Variants in LEKR1 observed in about 807,000 individuals in gnomAD.
LEKR1 encodes the protein protein LEKR1.
A neutral mutation model predicts 72.4 loss-of-function variants in LEKR1; 59 were observed. That is an observed-to-expected ratio of 0.82 (90% CI 0.66 to 1.01). LEKR1 has a LOEUF of 1.01. Among genes scored for constraint, LEKR1 ranks in the 50% least tolerant of loss-of-function variants. LEKR1 has a pLI of 0.00. For missense variants in LEKR1, 728 were observed against 759.2 expected (o/e 0.96, Z 0.48); for synonymous variants, 257 against 263.2 (o/e 0.98, Z 0.23).
At position 156,829,356 on chromosome 3, in the gene LEKR1, G is replaced by A. The variant is rs1201762147; in HGVS notation, c.27G>A (p.Ala9=). Residue 9 remains alanine, a synonymous_variant, in exon 2 of 13, where the codon GCG becomes GCA. Coordinates refer to ENST00000356539, the MANE Select transcript of LEKR1 (RefSeq NM_001004316.3). MDHHIPMH[A]LPEEIQKMLP... ...TGGATCATCACATTCCCATGCATGC[G>A]TTGCCTGAAGAAATCCAAAAGGTAT... 14 of 1,533,488 alleles carry A rather than the reference G, an allele frequency of 9.1e-6. 1 individual carries two copies. The highest frequency in any genetic ancestry group is 3.3e-4 in the Middle Eastern group (2 of 5,992). The allele number at this position is 1,533,488 out of a possible 1,614,324, so 95.0% of individuals were successfully genotyped here. A position where few individuals can be genotyped will look rare whatever the true frequency, so the allele number is the denominator to read the frequency against.
chr3:156,978,560 T>C (rs911379102), intron 6 of LEKR1, among the ~76,000 whole-genome samples: 2 of 152,220 alleles, frequency 1.3e-5, no homozygotes, highest in African/African-American at 4.8e-5. Flanking sequence ...CTTTCTGCTA[T>C]GGTTTCAGTT....
chr3:156,992,572 T>C lies in LEKR1; in HGVS notation c.828-81T>C. 3 of 247,086 alleles carry C rather than the reference T, an allele frequency of 1.2e-5. No individual in the cohort carries two copies. The South Asian group carries it at 1.4e-4, about 12-fold the overall frequency. 15.3% of individuals were successfully genotyped at this position (247,086 alleles called of 1,614,324 possible). A position where few individuals can be genotyped will look rare whatever the true frequency, so the allele number is the denominator to read the frequency against. On this transcript the variant is annotated intron_variant, in intron 7 of 12. Coordinates refer to ENST00000356539, the MANE Select transcript of LEKR1 (RefSeq NM_001004316.3). ...TGAAGATGTTAAGAAATTTCTTCTA[T>C]TGATGAGTAAAATAATGCTACAGAA... is the stretch of plus-strand genomic sequence containing the variant.
At chr3:156,855,535 T>A (rs1715958457) in intron 3 of LEKR1, among the ~76,000 whole-genome samples, 1 of 152,192 alleles carries the variant, frequency 6.6e-6, no homozygotes, top group South Asian at 2.1e-4. Flanking sequence ...TGTTTATATA[T>A]GTTGTTAATA....
At chr3:157,040,702 A>G (rs955235923) in intron 12 of LEKR1, among the ~76,000 whole-genome samples, 7 of 152,206 alleles carry the variant, frequency 4.6e-5, no homozygotes, top group African/African-American at 1.7e-4. Flanking sequence ...TATCCAGTTA[A>G]GGCTGGTGGA....
chr3:156,920,788 T>A (rs1163294933), intron 4 of LEKR1, 94 bp downstream of exon 4: 9 of 690,524 alleles, frequency 1.3e-5, no homozygotes, highest in Non-Finnish European at 1.8e-5. Context: ...ATATGGTTTC[T>A]ATATCTGGTG....
intron 3 of LEKR1, among the ~76,000 whole-genome samples, chr3:156,908,628 G>A (rs192014964): frequency 2.0e-5 from 3 of 152,246 alleles, no homozygotes; most frequent in South Asian, 2.1e-4. Flanking sequence ...ATCACAAAAT[G>A]TTCTAGGCTT....
At chr3:156,972,693 G>GATAAAATAATATTATATTTTA (rs1729333094) in intron 6 of LEKR1, among the ~76,000 whole-genome samples, 1 of 141,596 alleles carries the variant, frequency 7.1e-6, no homozygotes, top group South Asian at 2.3e-4. Flanking sequence ...AATCTAAGCA[G>GATAAAATAATATTATATTTTA]ATAAAATAAT....
chr3:156,929,789 A>G (rs1725042519), intron 5 of LEKR1, among the ~76,000 whole-genome samples: 2 of 152,124 alleles, frequency 1.3e-5, no homozygotes, highest in South Asian at 4.1e-4. Context: ...TTTACTCTGC[A>G]TGTTCTGTTC....
chr3:156,831,802 G>T (rs1260803442), intron 2 of LEKR1, among the ~76,000 whole-genome samples: 2 of 152,206 alleles, frequency 1.3e-5, no homozygotes, highest in Admixed American at 1.3e-4. Flanking sequence ...TACAATTCAA[G>T]ATGAGATTTG....
intron 5 of LEKR1, among the ~76,000 whole-genome samples, chr3:156,930,961 G>T (rs747413557): frequency 2.0e-5 from 3 of 152,042 alleles, no homozygotes; most frequent in Non-Finnish European, 4.4e-5. Context: ...AAAACTACTA[G>T]AAGAAACATA....
intron 3 of LEKR1, among the ~76,000 whole-genome samples, chr3:156,854,543 TC>T (rs775663873): frequency 3.1e-4 from 45 of 146,308 alleles, no homozygotes; most frequent in South Asian, 6.3e-4. Context: ...TTTCTTTCTT[TC>T]CTTTTTTTTT....
At chr3:156,984,470 A>C (rs540847784) in intron 7 of LEKR1, among the ~76,000 whole-genome samples, 1 of 152,140 alleles carries the variant, frequency 6.6e-6, no homozygotes, top group Admixed American at 6.6e-5. Context: ...TGAGGTCAGG[A>C]GTTCGAGACC....
At chr3:157,031,498 T>C (rs543429963) in intron 12 of LEKR1, among the ~76,000 whole-genome samples, 69 of 152,142 alleles carry the variant, frequency 4.5e-4, no homozygotes, top group African/African-American at 1.6e-3. Flanking sequence ...TAAGAGTAAA[T>C]AATTAAGGCT....
At chr3:156,933,528 G>A (rs1275022212) in intron 5 of LEKR1, among the ~76,000 whole-genome samples, 4 of 152,112 alleles carry the variant, frequency 2.6e-5, no homozygotes, top group African/African-American at 9.7e-5. Flanking sequence ...AGATATGAAT[G>A]TACATGTAAA....
At chr3:156,939,267 A>G (rs1263188617) in intron 5 of LEKR1, among the ~76,000 whole-genome samples, 1 of 152,182 alleles carries the variant, frequency 6.6e-6, no homozygotes, top group African/African-American at 2.4e-5. Flanking sequence ...ACACCTACGG[A>G]CACCATGTGA....
At chr3:157,031,391 G>A (rs1054002188) in intron 12 of LEKR1, among the ~76,000 whole-genome samples, 4 of 152,072 alleles carry the variant, frequency 2.6e-5, no homozygotes, top group African/African-American at 7.2e-5. Context: ...TACTTAGGGG[G>A]GCAATTTCCT....
At chr3:157,032,498 C>T (rs1387728783) in intron 12 of LEKR1, among the ~76,000 whole-genome samples, 1 of 152,122 alleles carries the variant, frequency 6.6e-6, no homozygotes, top group East Asian at 1.9e-4. Context: ...TCCATTGCCA[C>T]TAAAATGGCA....
chr3:156,963,522 A>G (rs1188783813), intron 6 of LEKR1, among the ~76,000 whole-genome samples: 2 of 152,094 alleles, frequency 1.3e-5, no homozygotes, highest in South Asian at 2.1e-4. Context: ...CTCTTGCCCA[A>G]TGTCTCTTAC....
chr3:156,977,238 G>T (rs565757482), intron 6 of LEKR1, among the ~76,000 whole-genome samples: 1 of 152,284 alleles, frequency 6.6e-6, no homozygotes, highest in South Asian at 2.1e-4. Flanking sequence ...CCTGGTGGTG[G>T]TATGGTCTGT....
Sources: allele counts gnomAD v4.1 joint callset (sites outside exome capture counted in the v4.1 genomes callset), GRCh38; gene constraint gnomAD v4.1.1; transcripts MANE v1.5; gene names NCBI Gene and HGNC (gene_info 2026-07-23, HGNC 2026-07-21).